The following WDFY3 variants were observed in gnomAD, a reference collection of about 807,000 sequenced individuals.
WDFY3 encodes the protein WD repeat and FYVE domain-containing protein 3.
A neutral mutation model predicts 409.6 loss-of-function variants in WDFY3; 66 were observed. The observed-to-expected ratio is 0.16, with a 90% CI of 0.13 to 0.20. The LOEUF (loss-of-function observed/expected upper bound fraction) is 0.20. WDFY3 is among the 10% of genes least tolerant of loss of function. The probability of loss-of-function intolerance (pLI) is 1.00; values close to 1 mark genes in which losing one functional copy is unlikely to be tolerated. For synonymous variants in WDFY3, 1,521 were observed against 1,537.1 expected (o/e 0.99, Z 0.25); for missense variants, 3,031 against 4,298.1 (o/e 0.71, Z 8.24).
chr4:84,924,152 T>C (rs1228513649), intron 2 of WDFY3, among the ~76,000 whole-genome samples: 1 of 152,216 alleles, frequency 6.6e-6, no homozygotes, highest in Non-Finnish European at 1.5e-5. Flanking sequence ...GAATCTTTTT[T>C]CTATACAAAA....
At chr4:84,879,387 C>A (rs944114183) in intron 3 of WDFY3, 1 of 152,162 alleles carries the variant, frequency 6.6e-6, no homozygotes, top group Non-Finnish European at 1.5e-5. Flanking sequence ...AAATATTTAT[C>A]AACTCACTCC....
intron 3 of WDFY3, among the ~76,000 whole-genome samples, chr4:84,891,884 C>G (rs1278425735): frequency 6.6e-6 from 1 of 152,078 alleles, no homozygotes; most frequent in Non-Finnish European, 1.5e-5. Context: ...TCATTTCTCT[C>G]CAGGCATTGA....
rs1728634996 is a variant in WDFY3, at chr4:84,688,121, C to T, written c.9508G>A (p.Ala3170Thr). 1 of 1,614,066 alleles carries T rather than the reference C, an allele frequency of 6.2e-7. No individual in the cohort carries two copies. The highest frequency in any genetic ancestry group is 8.5e-7 in the Non-Finnish European group (1 of 1,179,950). ...TTGATACAAAGAGCAGAAACTGGAG[C>T]TCGATGCCCTCGAAGCTGGGTTAGA... Reference protein sequence around the residue: ...SFLTQLRGHRAPVSALCINEL... With the variant: ...SFLTQLRGHRTPVSALCINEL... The change falls in exon 62 of 68, where the codon GCT (alanine) becomes ACT (threonine). Residue 3170 changes from alanine to threonine, a missense_variant. Ala to Thr is a moderately conservative substitution (Grantham distance 58). Transcript: ENST00000295888.
chr4:84,794,255 C>G (rs1226827005), intron 21 of WDFY3, among the ~76,000 whole-genome samples: 1 of 152,116 alleles, frequency 6.6e-6, no homozygotes, highest in Non-Finnish European at 1.5e-5. Flanking sequence ...AACAAGCAAC[C>G]TGCTTTCCTA....
At position 84,671,714 on chromosome 4, in the gene WDFY3, CTG is replaced by C. The variant is rs563985014; in HGVS notation, c.*1152_*1153del. The C allele has an allele frequency of 4.3e-4, 66 of 152,602 alleles. No individual in the cohort carries two copies. Among genetic ancestry groups the C allele is most frequent in the African/African-American group, 1.5e-3 (61 of 41,538 alleles). 9.5% of individuals were successfully genotyped at this position (152,602 alleles called of 1,614,324 possible). ...AGACATTGATACAGTATAAATCTCA[CTG>C]TTTTCAGGTAGATGACATTAAATGG... On this transcript the variant is annotated 3_prime_UTR_variant, in exon 68 of 68. Transcript: ENST00000295888.
In WDFY3 at chr4:84,878,191, G is replaced by A. The variant is rs549959013; in HGVS notation, c.-31-17569C>T. Among the ~76,000 whole-genome samples, 65 of 152,270 alleles carry A rather than the reference G, an allele frequency of 4.3e-4. 1 individual carries two copies. The South Asian group carries it at 0.013, about 31-fold the overall frequency. On this transcript the variant is annotated intron_variant, in intron 3 of 67. Coordinates refer to ENST00000295888, the MANE Select transcript of WDFY3 (RefSeq NM_014991.6). ...ATTACTAACAGAGAGTTAGGTTTGG[G>A]TGGTAAACAGATGATGACAAAAGGC...
intron 1 of WDFY3, among the ~76,000 whole-genome samples, chr4:84,948,940 A>T (rs2151097678): frequency 6.6e-6 from 1 of 152,148 alleles, no homozygotes; most frequent in Non-Finnish European, 1.5e-5. Context: ...ACACCCTCCT[A>T]TTTCAGATTC....
At chr4:84,719,920 GTTTTGATTATACTCAAA>G (rs1185659603) in intron 47 of WDFY3, among the ~76,000 whole-genome samples, 2 of 152,172 alleles carry the variant, frequency 1.3e-5, no homozygotes, top group Non-Finnish European at 2.9e-5. Flanking sequence ...GAACGGAACT[GTTTTGATTATACTCAAA>G]TTTCTAGTGA....
chr4:84,767,554 T>C (rs1276238924), intron 30 of WDFY3, among the ~76,000 whole-genome samples: 2 of 151,578 alleles, frequency 1.3e-5, no homozygotes, highest in African/African-American at 2.4e-5. Flanking sequence ...AAAAGTTAGC[T>C]AAGTTGTGAA....
chr4:84,796,579 G>T lies in WDFY3; in HGVS notation c.3109C>A (p.His1037Asn). 1 of 1,613,446 alleles carries T rather than the reference G, an allele frequency of 6.2e-7. No individual in the cohort carries two copies. The highest frequency in any genetic ancestry group is 8.5e-7 in the Non-Finnish European group (1 of 1,179,636). Residue 1037 changes from histidine (H) to asparagine (N), a missense_variant, in exon 19 of 68, where the codon CAT (histidine) becomes AAT (asparagine). This residue lies in a region of WDFY3 where 1,322 missense variants were observed against 1,697.9 expected (regional missense o/e 0.78). Coordinates refer to ENST00000295888, the MANE Select transcript of WDFY3 (RefSeq NM_014991.6). ...SMTTPHDIRL[H>N]GSSVTPAFVE... ...AAAGCTGGAGTAACTGATGACCCATGAAGTCTGATGTCATGTGGGGTTGTC... is the reference window on the plus strand; with the variant it reads ...AAAGCTGGAGTAACTGATGACCCATTAAGTCTGATGTCATGTGGGGTTGTC...
intron 5 of WDFY3, chr4:84,844,346 C>T (rs1757785696): frequency 3.4e-6 from 3 of 874,378 alleles, no homozygotes; most frequent in South Asian, 3.1e-5. Context: ...ACCCTTGCCC[C>T]CTCCAAAAAA....
intron 67 of WDFY3, among the ~76,000 whole-genome samples, chr4:84,676,922 T>C (rs1205123182): frequency 1.3e-5 from 2 of 152,238 alleles, no homozygotes; most frequent in African/African-American, 2.4e-5. Flanking sequence ...ATAGTGTTTA[T>C]AGAATCATTT....
chr4:84,915,300 C>T (rs184817063), intron 2 of WDFY3, among the ~76,000 whole-genome samples: 1 of 152,200 alleles, frequency 6.6e-6, no homozygotes, highest in East Asian at 1.9e-4. Flanking sequence ...CTGAATTGTA[C>T]ACTTAAATAT....
At chr4:84,774,067 G>C (rs1412562759) in intron 29 of WDFY3, among the ~76,000 whole-genome samples, 1 of 152,206 alleles carries the variant, frequency 6.6e-6, no homozygotes, top group African/African-American at 2.4e-5. Context: ...AAAAAAGTGA[G>C]TGACTTACAA....
At chr4:84,704,226 C>T (rs2148951062) in intron 55 of WDFY3, 112 bp downstream of exon 55, 2 of 772,942 alleles carry the variant, frequency 2.6e-6, no homozygotes, top group Non-Finnish European at 3.9e-6. Flanking sequence ...TACTTTGTCA[C>T]TAAAATTTCG....
In WDFY3 at chr4:84,803,461, T is replaced by C. The variant is rs1202913086; in HGVS notation, c.2436A>G (p.Ala812=). ...GTPALSRKRH[A]YHSVSTPPVY... The stretch of plus-strand genomic sequence containing the variant: ...CAGGGGGAGTTGAAACAGAATGATA[T>C]GCATGCCTATAAAAAAAGAAAGAGT... Residue 812 remains alanine, a synonymous_variant, in exon 16 of 68, where the codon GCA becomes GCG. Coordinates refer to ENST00000295888, the MANE Select transcript of WDFY3 (RefSeq NM_014991.6). The C allele has an allele frequency of 3.1e-6, 5 of 1,604,690 alleles. No individual in the cohort carries two copies. In the East Asian group the frequency reaches 8.9e-5, roughly 29 times the overall value.
intron 16 of WDFY3, among the ~76,000 whole-genome samples, chr4:84,802,516 C>T (rs979462240): frequency 1.3e-5 from 2 of 151,886 alleles, no homozygotes; most frequent in African/African-American, 4.8e-5. Flanking sequence ...GATACACCCG[C>T]CTCAGCCTCC....
intron 3 of WDFY3, among the ~76,000 whole-genome samples, chr4:84,860,960 C>T (rs1177527635): frequency 6.6e-6 from 1 of 152,112 alleles, no homozygotes; most frequent in East Asian, 1.9e-4. Flanking sequence ...CCTGCAATCC[C>T]AGCACTTTTG....
At chr4:84,684,935 TAGTTAA>T (rs1419458818) in intron 62 of WDFY3, among the ~76,000 whole-genome samples, 1 of 152,216 alleles carries the variant, frequency 6.6e-6, no homozygotes, top group Admixed American at 6.5e-5. Flanking sequence ...TCAGATGTTC[TAGTTAA>T]CACAGCAACC....
Sources: gnomAD v4.1 joint callset for allele counts (sites outside exome capture counted in the v4.1 genomes callset) on GRCh38, gnomAD v4.1.1 for gene constraint, gnomAD v4.1.1 regional missense constraint, MANE v1.5 for transcripts, NCBI Gene and HGNC (gene_info 2026-07-23, HGNC 2026-07-21) for gene names.